The following BCR variants were observed in gnomAD, a reference collection of about 807,000 sequenced individuals.
The protein encoded by BCR is BCR activator of RhoGEF and GTPase.
Under a neutral mutation model 138.6 loss-of-function variants are expected in BCR, and 58 were observed. The observed-to-expected ratio is 0.42, with a 90% CI of 0.34 to 0.52. The LOEUF is 0.52. Among genes scored for constraint, BCR ranks in the 20% least tolerant of loss-of-function variants. BCR has a pLI of 0.06. For synonymous variants in BCR, 786 were observed against 730.1 expected, an observed-to-expected ratio of 1.08 and a Z score of -1.23; for missense variants, 1,599 against 1,727.2, an observed-to-expected ratio of 0.93 and a Z score of 1.32.
chr22:23,252,271 G>A (rs955657984), intron 1 of BCR, among the ~76,000 whole-genome samples: 1 of 151,374 alleles, frequency 6.6e-6, no homozygotes, highest in African/African-American at 2.4e-5. Context: ...GGTAGGACTC[G>A]CTGCTCATGG....
intron 1 of BCR, among the ~76,000 whole-genome samples, chr22:23,231,108 A>G (rs1348160771): frequency 6.6e-6 from 1 of 152,176 alleles, no homozygotes; most frequent in East Asian, 1.9e-4. Context: ...GGCATGTGGT[A>G]GATGCTCGGG....
At chr22:23,221,208 G>A (rs2072820710) in intron 1 of BCR, among the ~76,000 whole-genome samples, 1 of 152,188 alleles carries the variant, frequency 6.6e-6, no homozygotes, top group African/African-American at 2.4e-5. Flanking sequence ...GATGCAGATG[G>A]AAGATGACCT....
intron 1 of BCR, among the ~76,000 whole-genome samples, chr22:23,250,231 A>C (rs1602063302): frequency 6.6e-6 from 1 of 151,922 alleles, no homozygotes; most frequent in Non-Finnish European, 1.5e-5. Context: ...TTGACCTTAC[A>C]CGGGAGTCAG....
intron 8 of BCR, among the ~76,000 whole-genome samples, chr22:23,275,496 C>T (rs1053751013): frequency 5.9e-5 from 9 of 152,200 alleles, no homozygotes; most frequent in African/African-American, 7.2e-5. Context: ...AGTGGGTCCC[C>T]GGCACCTTCC....
chr22:23,299,221 T>G, intron 16 of BCR, among the ~76,000 whole-genome samples: 1 of 152,092 alleles, frequency 6.6e-6, no homozygotes. Flanking sequence ...CCTGACCTCA[T>G]GATCCGCCCT....
chr22:23,249,564 G>A (rs562213737), intron 1 of BCR, among the ~76,000 whole-genome samples: 1 of 152,228 alleles, frequency 6.6e-6, no homozygotes, highest in South Asian at 2.1e-4. Flanking sequence ...TTCAGCCTGG[G>A]TGACAGAAAG....
At position 23,183,944 on chromosome 22, in the gene BCR, A is replaced by AG. The variant is rs146036689; in HGVS notation, c.1279+1708dup. 2.0e-3 allele frequency among the ~76,000 whole-genome samples: 309 copies of AG among 152,342 alleles called. 1 individual carries two copies. The highest frequency in any genetic ancestry group is 6.7e-3 in the African/African-American group (277 of 41,574). On this transcript the variant is annotated intron_variant, in intron 1 of 22. Transcript: ENST00000305877. ...GAAAGCCCAGTGCCTTGAGTCAGAC[A>AG]GGGCAGGTCCTCAGGAAATGGCTGA...
intron 1 of BCR, among the ~76,000 whole-genome samples, chr22:23,223,807 TG>T (rs111953310): frequency 2.0e-5 from 3 of 152,174 alleles, no homozygotes; most frequent in Non-Finnish European, 4.4e-5. Context: ...CCATTGACAG[TG>T]GGGGGCTTTG....
chr22:23,285,336 G>A, intron 10 of BCR, 135 bp downstream of exon 10: 1 of 957,660 alleles, frequency 1.0e-6, no homozygotes. Flanking sequence ...TAAGCTCTCA[G>A]CTCTTGGAGG....
intron 1 of BCR, among the ~76,000 whole-genome samples, chr22:23,210,711 C>T (rs1036080502): frequency 2.6e-5 from 4 of 152,254 alleles, no homozygotes; most frequent in East Asian, 1.9e-4. Context: ...AGCACTTTTC[C>T]GAATGTCATA....
intron 1 of BCR, among the ~76,000 whole-genome samples, chr22:23,233,632 A>G (rs1422281657): frequency 6.6e-6 from 1 of 151,980 alleles, no homozygotes; most frequent in African/African-American, 2.4e-5. Context: ...TGCTAAAAAT[A>G]TAAAAATTAG....
At chr22:23,235,715 T>G (rs1431461394) in intron 1 of BCR, among the ~76,000 whole-genome samples, 1 of 152,200 alleles carries the variant, frequency 6.6e-6, no homozygotes, top group East Asian at 1.9e-4. Context: ...AACAAACACT[T>G]ACTCCTCACA....
chr22:23,216,121 G>C (rs1484788931), intron 1 of BCR, among the ~76,000 whole-genome samples: 1 of 152,198 alleles, frequency 6.6e-6, no homozygotes, highest in Non-Finnish European at 1.5e-5. Flanking sequence ...CTTTGGTCCA[G>C]TCTGAGTGGC....
intron 1 of BCR, among the ~76,000 whole-genome samples, chr22:23,237,555 G>C (rs1438600864): frequency 1.3e-5 from 2 of 152,246 alleles, no homozygotes; most frequent in East Asian, 3.8e-4. Flanking sequence ...CTGGTTTTCT[G>C]GCTCGTTCCT....
chr22:23,193,562 C>T (rs141366404), intron 1 of BCR, among the ~76,000 whole-genome samples: 2 of 152,322 alleles, frequency 1.3e-5, no homozygotes, highest in African/African-American at 2.4e-5. Context: ...GTATGAGCTC[C>T]GGGGGGACCC....
At chr22:23,194,655 A>G (rs1018214956) in intron 1 of BCR, among the ~76,000 whole-genome samples, 7 of 150,830 alleles carry the variant, frequency 4.6e-5, no homozygotes, top group African/African-American at 1.7e-4. Context: ...CTCGTGATCC[A>G]CCCACCTCGG....
intron 7 of BCR, among the ~76,000 whole-genome samples, 197 bp downstream of exon 7, chr22:23,273,330 G>C (rs766423005): frequency 6.6e-5 from 10 of 152,118 alleles, no homozygotes; most frequent in Non-Finnish European, 1.5e-4. Flanking sequence ...TCCACAAAGA[G>C]TTACTCCACG....
At chr22:23,281,606 G>A (rs1347275276) in intron 8 of BCR, among the ~76,000 whole-genome samples, 1 of 152,094 alleles carries the variant, frequency 6.6e-6, no homozygotes, top group Admixed American at 6.5e-5. Flanking sequence ...TGCAGAGCGG[G>A]GCCTGAGATG....
At position 23,284,114 on chromosome 22, in the gene BCR, G is replaced by T. The variant is rs752977641; in HGVS notation, c.2237+16G>T. 4.3e-6 allele frequency: 7 copies of T among 1,611,360 alleles called. No individual in the cohort carries two copies. The highest frequency in any genetic ancestry group is 5.9e-6 in the Non-Finnish European group (7 of 1,179,124). On this transcript the variant is annotated intron_variant, in intron 9 of 22. Coordinates refer to ENST00000305877, the MANE Select transcript of BCR (RefSeq NM_004327.4). ...AGAGCGGAGGGTGAGTGACGATGTG[G>T]CCCCTGTCCCAGCAGTGACCCCACC...
Sources: gnomAD v4.1 joint callset for allele counts (sites outside exome capture counted in the v4.1 genomes callset) on GRCh38, gnomAD v4.1.1 for gene constraint, MANE v1.5 for transcripts, NCBI Gene and HGNC (gene_info 2026-07-23, HGNC 2026-07-21) for gene names.